The following EPHA2 variants were observed in gnomAD, a reference collection of about 807,000 sequenced individuals.
EPHA2 encodes EPH receptor A2.
Under a neutral mutation model 104.9 loss-of-function variants are expected in EPHA2, and 54 were observed. The observed-to-expected ratio is 0.51, with a 90% CI of 0.41 to 0.65. EPHA2 has a LOEUF of 0.65. Ranked by LOEUF, EPHA2 falls within the 30% of genes least tolerant of loss-of-function variation. The probability of loss-of-function intolerance (pLI) is 0.00; values close to 1 mark genes in which losing one functional copy is unlikely to be tolerated. For missense variants in EPHA2, 1,117 were observed against 1,369.5 expected (o/e 0.82, Z 2.91); for synonymous variants, 560 against 559.1 (o/e 1.00, Z -0.02).
intron 1 of EPHA2, chr1:16,153,245 C>T: frequency 4.1e-6 from 4 of 985,470 alleles, no homozygotes; most frequent in Non-Finnish European, 4.8e-6. Flanking sequence ...CTGCCACCCA[C>T]TCCCGGTCTC....
At position 16,132,140 on chromosome 1, in the gene EPHA2, T is replaced by C; in HGVS notation, c.2249A>G (p.Asn750Ser). Reference protein sequence around the residue: ...LAARNILVNSNLVCKVSDFGL... With the variant: ...LAARNILVNSSLVCKVSDFGL... ...AAAGTCAGACACCTTGCAGACCAGG[T>C]TGCTGTTGACGAGGATGTTGCGGGC... is the stretch of plus-strand genomic sequence containing the variant. The change falls in exon 13 of 17, where the codon AAC (asparagine) becomes AGC (serine). Residue 750 changes from asparagine to serine, a missense_variant. This residue lies in a region of EPHA2 where 340 missense variants were observed against 480.5 expected (regional missense o/e 0.71). Transcript: ENST00000358432. 1 of 1,614,174 alleles carries C rather than the reference T, an allele frequency of 6.2e-7. No homozygotes were observed. The highest frequency in any genetic ancestry group is 8.5e-7 in the Non-Finnish European group (1 of 1,180,006).
chr1:16,152,259 G>A (rs1312588685), intron 1 of EPHA2, among the ~76,000 whole-genome samples: 2 of 152,234 alleles, frequency 1.3e-5, no homozygotes, highest in Admixed American at 1.3e-4. Context: ...TGGGAGCAGG[G>A]ATGGCCTGGT....
chr1:16,147,226 C>A (rs2024949690), intron 3 of EPHA2, among the ~76,000 whole-genome samples: 1 of 152,206 alleles, frequency 6.6e-6, no homozygotes, highest in Non-Finnish European at 1.5e-5. Flanking sequence ...TGAATTGGCC[C>A]TTTTCTGGGC....
Position 16,135,000 on chromosome 1 carries a change from C to A in EPHA2, c.1582+36G>T, listed in dbSNP as rs757223952. On this transcript the variant is annotated intron_variant, in intron 7 of 16. Coordinates refer to ENST00000358432, the MANE Select transcript of EPHA2 (RefSeq NM_004431.5). The surrounding 1 kb of genome is among the most constrained non-coding windows in gnomAD (Gnocchi z 4.5). Reference sequence around the variant, plus strand: ...ATGTCTCAATTGCTTGGTTCTGGGCCCTGGCCTGGTCCATGCCCAGGGTCC... The same window carrying A: ...ATGTCTCAATTGCTTGGTTCTGGGCACTGGCCTGGTCCATGCCCAGGGTCC... 6.2e-7 allele frequency: 1 copy of A among 1,608,628 alleles called. No homozygotes were observed. The highest frequency in any genetic ancestry group is 8.5e-7 in the Non-Finnish European group (1 of 1,179,890).
chr1:16,138,873 T>C (rs1377525856), intron 3 of EPHA2, among the ~76,000 whole-genome samples: 1 of 152,210 alleles, frequency 6.6e-6, no homozygotes, highest in Non-Finnish European at 1.5e-5. Flanking sequence ...GGGCAATGAC[T>C]GCCTCTTCTT....
At position 16,134,716 on chromosome 1, in the gene EPHA2, C is replaced by T. The variant is rs374816417; in HGVS notation, c.1583-149G>A. 29 of 917,940 alleles carry T rather than the reference C, an allele frequency of 3.2e-5. No homozygotes were observed. The highest frequency in any genetic ancestry group is 9.9e-5 in the South Asian group (7 of 70,958). The allele number at this position is 917,940 out of a possible 1,614,324, so 56.9% of individuals were successfully genotyped here. ...AGGGTACTTAGTCCCATTTCATAGACGGTCAAGCGGAGGCCTTCCCGAAGG... is the reference window on the plus strand; with the variant it reads ...AGGGTACTTAGTCCCATTTCATAGATGGTCAAGCGGAGGCCTTCCCGAAGG... On this transcript the variant is annotated intron_variant, in intron 7 of 16. Transcript: ENST00000358432. The surrounding 1 kb of genome is among the most constrained non-coding windows in gnomAD (Gnocchi z 4.5).
In EPHA2 at chr1:16,135,544, T is replaced by G. The variant is rs1276135194; in HGVS notation, c.1428+111A>C. 1.9e-6 allele frequency: 2 copies of G among 1,066,510 alleles called. No homozygotes were observed. Among genetic ancestry groups the G allele is most frequent in the Admixed American group, 1.8e-5 (1 of 56,454 alleles). The allele number at this position is 1,066,510 out of a possible 1,614,324, so 66.1% of individuals were successfully genotyped here. A position where few individuals can be genotyped will look rare whatever the true frequency, so the allele number is the denominator to read the frequency against. On this transcript the variant is annotated intron_variant, in intron 6 of 16. Transcript: ENST00000358432. The surrounding 1 kb of genome is among the most constrained non-coding windows in gnomAD (Gnocchi z 4.3). ...GACCCCAGGCCTCAGTTTCCCCATC[T>G]GCAGAAGGGTGCTTCTTCAGATGGC...
intron 3 of EPHA2, among the ~76,000 whole-genome samples, chr1:16,140,356 G>A (rs1459595845): frequency 6.6e-6 from 1 of 152,226 alleles, no homozygotes; most frequent in East Asian, 1.9e-4. Context: ...GGAGGCCCGG[G>A]ACCCGACTCC....
In EPHA2 at chr1:16,125,090, A is replaced by T; in HGVS notation, c.*125T>A. 1 of 877,058 alleles carries T rather than the reference A, an allele frequency of 1.1e-6. No homozygotes were observed. The highest frequency in any genetic ancestry group is 1.9e-6 in the Non-Finnish European group (1 of 535,980). 54.3% of individuals were successfully genotyped at this position (877,058 alleles called of 1,614,324 possible). A position where few individuals can be genotyped will look rare whatever the true frequency, so the allele number is the denominator to read the frequency against. ...GTGTCATCCGAGACCCCTCAGCGGA[A>T]GTTGCAGGGGGAGGAAAGAACTAGA... On this transcript the variant is annotated 3_prime_UTR_variant, in exon 17 of 17. Coordinates refer to ENST00000358432, the MANE Select transcript of EPHA2 (RefSeq NM_004431.5). This position sits in a 1 kb window ranked among gnomAD's most constrained non-coding sequence, Gnocchi z 4.9.
chr1:16,136,083 C>G (rs2024678085), intron 5 of EPHA2, among the ~76,000 whole-genome samples: 1 of 151,928 alleles, frequency 6.6e-6, no homozygotes, highest in Admixed American at 6.5e-5. Context: ...GTTGCCCATG[C>G]TGGTCTCAAA....
intron 1 of EPHA2, 117 bp downstream of exon 1, chr1:16,155,731 G>A (rs1318372053): frequency 1.2e-6 from 1 of 845,194 alleles, no homozygotes; most frequent in African/African-American, 1.8e-5. Flanking sequence ...CCGGACTCCA[G>A]TTCGCCGGGA....
intron 1 of EPHA2, among the ~76,000 whole-genome samples, chr1:16,151,378 G>A (rs2025033919): frequency 6.6e-6 from 1 of 152,182 alleles, no homozygotes; most frequent in African/African-American, 2.4e-5. Context: ...AGGCCCTTTG[G>A]CAGCACTTCA....
At chr1:16,133,769 G>T in intron 9 of EPHA2, 91 bp downstream of exon 9, 1 of 1,491,514 alleles carries the variant, frequency 6.7e-7, no homozygotes. Context: ...CCACCCCAGT[G>T]CCCTGGGAAC....
At position 16,148,646 on chromosome 1, in the gene EPHA2, G is replaced by A. The variant is rs372418172; in HGVS notation, c.555C>T (p.Ile185=). 1.9e-5 allele frequency: 31 copies of A among 1,608,854 alleles called. No homozygotes were observed. The East Asian group carries it at 4.2e-4, about 22-fold the overall frequency. The change falls in exon 3 of 17, where the codon ATC becomes ATT. Residue 185 remains isoleucine, a synonymous_variant. Transcript: ENST00000358432. This position sits in a 1 kb window ranked among gnomAD's most constrained non-coding sequence, Gnocchi z 4.9. ...CGGAGAGCAGCGCCACACAGGCACCGATATCCTGGAAGGCCAGGTAGAAGC... is the reference window on the plus strand; with the variant it reads ...CGGAGAGCAGCGCCACACAGGCACCAATATCCTGGAAGGCCAGGTAGAAGC... ...RKGFYLAFQD[I]GACVALLSVR... is the part of the protein sequence containing the mutation.
At chr1:16,151,810 G>A (rs1345229898) in intron 1 of EPHA2, among the ~76,000 whole-genome samples, 14 of 152,134 alleles carry the variant, frequency 9.2e-5, no homozygotes, top group Admixed American at 9.2e-4. Flanking sequence ...GACATTCTAG[G>A]CCCAGAGACC....
At chr1:16,127,793 C>A (rs2124188560) in intron 16 of EPHA2, among the ~76,000 whole-genome samples, 1 of 152,302 alleles carries the variant, frequency 6.6e-6, no homozygotes, top group African/African-American at 2.4e-5. Context: ...TTTATCCAGG[C>A]CCTTTCACAA....
intron 3 of EPHA2, among the ~76,000 whole-genome samples, chr1:16,139,762 G>A (rs994417303): frequency 2.0e-5 from 3 of 152,182 alleles, no homozygotes; most frequent in African/African-American, 7.2e-5. Context: ...GCACAAATGT[G>A]GGGAGCAGCA....
chr1:16,149,100 C>T, intron 2 of EPHA2, 53 bp from the exon 3 acceptor site: 1 of 1,589,940 alleles, frequency 6.3e-7, no homozygotes, highest in Non-Finnish European at 8.6e-7. Context: ...GAAACTGAGG[C>T]CCAGGTGGCA....
intron 3 of EPHA2, among the ~76,000 whole-genome samples, chr1:16,143,110 T>G (rs2024857309): frequency 6.9e-6 from 1 of 145,918 alleles, no homozygotes; most frequent in African/African-American, 2.6e-5. Context: ...AATGGACAAG[T>G]GGATGGGTGG....
Sources: allele counts gnomAD v4.1 joint callset (sites outside exome capture counted in the v4.1 genomes callset), GRCh38; gene constraint gnomAD v4.1.1; regional missense constraint gnomAD v4.1.1; non-coding constraint Gnocchi (gnomAD v3.1); transcripts MANE v1.5; gene names NCBI Gene and HGNC (gene_info 2026-07-23, HGNC 2026-07-21).